The following TIMM9 variants were observed in gnomAD, a reference collection of about 807,000 sequenced individuals.
TIMM9 encodes translocase of inner mitochondrial membrane 9.
TIMM9 carries 10 observed loss-of-function variants against 13.4 expected under a neutral mutation model. That is an observed-to-expected ratio of 0.75 (90% CI 0.46 to 1.26). The LOEUF is 1.26. Among genes scored for constraint, TIMM9 ranks in the 50% most tolerant of loss-of-function variants. TIMM9 has a pLI of 0.00. For missense variants in TIMM9, 87 were observed against 100.8 expected, an observed-to-expected ratio of 0.86 and a Z score of 0.58; for synonymous variants, 32 against 32.1, an observed-to-expected ratio of 1.00 and a Z score of 0.01.
chr14:58,420,822 A>T (rs369504217), intron 3 of TIMM9, among the ~76,000 whole-genome samples: 4 of 150,808 alleles, frequency 2.7e-5, no homozygotes, highest in African/African-American at 9.7e-5. Context: ...AACAAGCTAT[A>T]TACCTATCAG....
intron 3 of TIMM9, among the ~76,000 whole-genome samples, chr14:58,412,392 G>A (rs1437472531): frequency 6.6e-6 from 1 of 152,120 alleles, no homozygotes; most frequent in African/African-American, 2.4e-5. Flanking sequence ...CGCCTGCCTC[G>A]GCTTCCCAAA....
chr14:58,415,448 C>T (rs751063708), intron 3 of TIMM9, among the ~76,000 whole-genome samples: 7 of 152,110 alleles, frequency 4.6e-5, no homozygotes, highest in Non-Finnish European at 8.8e-5. Context: ...CTTGTAAATA[C>T]TTCAGTGAGC....
Position 58,420,793 on chromosome 14 carries a change from C to CA in TIMM9, c.-27+3214dup, listed in dbSNP as rs71107945. 6.8e-4 allele frequency among the ~76,000 whole-genome samples: 39 copies of CA among 57,456 alleles called. 1 individual carries two copies. The highest frequency in any genetic ancestry group is 1.4e-3 in the African/African-American group (21 of 14,588). 37.7% of individuals were successfully genotyped at this position (57,456 alleles called of 152,430 possible). On this transcript the variant is annotated intron_variant, in intron 3 of 5. Coordinates refer to ENST00000395159, the MANE Select transcript of TIMM9 (RefSeq NM_012460.4). ...GGGTGACGAGAGCAAAAATCCATCT[C>CA]AAAAAAAAAAAAAAAAAAAACAAGC... is the stretch of plus-strand genomic sequence containing the variant.
chr14:58,417,013 C>A (rs2036431562), intron 3 of TIMM9, among the ~76,000 whole-genome samples: 1 of 152,080 alleles, frequency 6.6e-6, no homozygotes, highest in Admixed American at 6.6e-5. Flanking sequence ...ATCATGGGGG[C>A]AAGTCTTTCC....
chr14:58,414,020 A>AAAG (rs1428469083), intron 3 of TIMM9, among the ~76,000 whole-genome samples: 1 of 148,452 alleles, frequency 6.7e-6, no homozygotes, highest in Non-Finnish European at 1.5e-5. Flanking sequence ...AAAAAAAAAA[A>AAAG]AAAAAAAAAA....
intron 2 of TIMM9, among the ~76,000 whole-genome samples, chr14:58,425,544 GAA>G (rs764283280): frequency 3.2e-5 from 4 of 124,894 alleles, no homozygotes; most frequent in Admixed American, 8.2e-5. Context: ...CCTGTCTCTG[GAA>G]AAAAAAAAAA....
chr14:58,411,499 T>C (rs1222301340), intron 4 of TIMM9, among the ~76,000 whole-genome samples: 2 of 151,292 alleles, frequency 1.3e-5, no homozygotes, highest in Non-Finnish European at 2.9e-5. Flanking sequence ...TTAATATCCA[T>C]TTTGGAAATG....
chr14:58,415,190 A>C (rs1469208227), intron 3 of TIMM9, among the ~76,000 whole-genome samples: 1 of 152,228 alleles, frequency 6.6e-6, no homozygotes, highest in Non-Finnish European at 1.5e-5. Context: ...TCCACCTGGC[A>C]GTAATGAAGT....
Position 58,408,642 on chromosome 14 carries a change from AACTGCTCAG to A in TIMM9, c.*383_*391del. 1 of 1,473,422 alleles carries A rather than the reference AACTGCTCAG, an allele frequency of 6.8e-7. No individual in the cohort carries two copies. Among genetic ancestry groups the A allele is most frequent in the Non-Finnish European group, 9.3e-7 (1 of 1,077,092 alleles). The allele number at this position is 1,473,422 out of a possible 1,614,324, so 91.3% of individuals were successfully genotyped here. ...TACTATGGTACCATACAGTATAAAC[AACTGCTCAG>A]TGATATTTCCATTTATTTTACTTTG... On this transcript the variant is annotated 3_prime_UTR_variant, in exon 6 of 6. Transcript: ENST00000395159.
At chr14:58,417,923 A>G (rs1176100703) in intron 3 of TIMM9, among the ~76,000 whole-genome samples, 1 of 152,158 alleles carries the variant, frequency 6.6e-6, no homozygotes, top group South Asian at 2.1e-4. Flanking sequence ...CACCAAAAGG[A>G]TACAGGAATA....
chr14:58,421,760 G>T (rs1406392844), intron 3 of TIMM9, among the ~76,000 whole-genome samples: 1 of 151,928 alleles, frequency 6.6e-6, no homozygotes, highest in African/African-American at 2.4e-5. Flanking sequence ...AGTATTAAAT[G>T]AAATCACTGT....
chr14:58,423,031 C>T (rs1419790838), intron 3 of TIMM9, among the ~76,000 whole-genome samples: 1 of 151,676 alleles, frequency 6.6e-6, no homozygotes, highest in Admixed American at 6.6e-5. Flanking sequence ...TCTTGAACTC[C>T]CGACCTCAGG....
intron 3 of TIMM9, among the ~76,000 whole-genome samples, chr14:58,422,550 A>G (rs892337048): frequency 1.3e-5 from 2 of 152,188 alleles, no homozygotes; most frequent in Non-Finnish European, 2.9e-5. Context: ...AAAGACATAT[A>G]TGAGGAATGC....
At chr14:58,420,871 A>C (rs575225113) in intron 3 of TIMM9, among the ~76,000 whole-genome samples, 48 of 152,212 alleles carry the variant, frequency 3.2e-4, no homozygotes, top group African/African-American at 1.1e-3. Flanking sequence ...AAAAAAACAA[A>C]AACAGTGGCA....
intron 3 of TIMM9, among the ~76,000 whole-genome samples, chr14:58,415,292 C>T (rs1043172421): frequency 6.6e-6 from 1 of 151,982 alleles, no homozygotes; most frequent in Non-Finnish European, 1.5e-5. Flanking sequence ...ACATGATATG[C>T]AAGATGTCCA....
At chr14:58,412,150 C>CT (rs538195126) in intron 3 of TIMM9, 179 bp from the exon 4 acceptor site, 28,671 of 396,426 alleles carry the variant, frequency 0.072, 16 homozygotes, top group South Asian at 0.1. Context: ...ATTAGATTTT[C>CT]TTTTTTTTTT....
At chr14:58,411,027 A>T in intron 4 of TIMM9, 89 bp from the exon 5 acceptor site, 3 of 831,878 alleles carry the variant, frequency 3.6e-6, no homozygotes, top group Non-Finnish European at 6.0e-6. Context: ...ATATTTAGAC[A>T]AAATATACTA....
At chr14:58,419,517 A>C (rs902621782) in intron 3 of TIMM9, among the ~76,000 whole-genome samples, 1 of 151,568 alleles carries the variant, frequency 6.6e-6, no homozygotes, top group Non-Finnish European at 1.5e-5. Flanking sequence ...ACACATACAC[A>C]CACACACACA....
chr14:58,415,780 A>T (rs2036385567), intron 3 of TIMM9, among the ~76,000 whole-genome samples: 1 of 152,206 alleles, frequency 6.6e-6, no homozygotes, highest in African/African-American at 2.4e-5. Flanking sequence ...GTAGGGTAGT[A>T]AAAGTAGTGG....
Sources: gnomAD v4.1 joint callset for allele counts (sites outside exome capture counted in the v4.1 genomes callset) on GRCh38, gnomAD v4.1.1 for gene constraint, MANE v1.5 for transcripts, NCBI Gene and HGNC (gene_info 2026-07-23, HGNC 2026-07-21) for gene names.